The following EDA variants were observed in gnomAD, a reference collection of about 807,000 sequenced individuals.
EDA encodes ectodysplasin A.
EDA carries 2 observed loss-of-function variants against 23.6 expected under a neutral mutation model. That is an observed-to-expected ratio of 0.08 (90% CI 0.03 to 0.27). EDA has a LOEUF of 0.27. Ranked by LOEUF, EDA falls within the 10% of genes least tolerant of loss-of-function variation. The probability of loss-of-function intolerance (pLI) is 1.00; values close to 1 mark genes in which losing one functional copy is unlikely to be tolerated. For missense variants in EDA, 229 were observed against 324.2 expected, an observed-to-expected ratio of 0.71 and a Z score of 2.26; for synonymous variants, 131 against 132.0, an observed-to-expected ratio of 0.99 and a Z score of 0.05.
chrX:69,808,666 C>T (rs1000602406), intron 1 of EDA, among the ~76,000 whole-genome samples: 2 of 111,426 alleles, frequency 1.8e-5, no homozygotes, highest in African/African-American at 6.5e-5. Flanking sequence ...TAAATGTCTT[C>T]GATGATAGTG....
intron 1 of EDA, among the ~76,000 whole-genome samples, chrX:69,836,413 T>A (rs2016776125): frequency 8.9e-6 from 1 of 112,271 alleles, no homozygotes. Context: ...CCAGACCACT[T>A]TGTTTACCTA....
chrX:69,713,153 G>T (rs755248950), intron 1 of EDA, among the ~76,000 whole-genome samples: 33 of 111,572 alleles, frequency 3.0e-4, no homozygotes, highest in Non-Finnish European at 5.5e-4. Context: ...CATGGCACAT[G>T]TATACATACG....
intron 1 of EDA, among the ~76,000 whole-genome samples, chrX:69,665,368 A>G (rs1484174162): frequency 8.9e-6 from 1 of 111,837 alleles, no homozygotes; most frequent in Non-Finnish European, 1.9e-5. Context: ...TTAGTGTGAT[A>G]TGTAAAAAAT....
chrX:69,994,973 A>G (rs2019636251), intron 2 of EDA, among the ~76,000 whole-genome samples: 1 of 112,419 alleles, frequency 8.9e-6, no homozygotes, highest in Non-Finnish European at 1.9e-5. Flanking sequence ...TCTTTACAGT[A>G]TCAAATAAAA....
At chrX:69,796,304 A>G (rs2015543437) in intron 1 of EDA, among the ~76,000 whole-genome samples, 1 of 105 alleles carries the variant, frequency 9.5e-3, no homozygotes. Context: ...GAGCCAATGT[A>G]TGCCACCTGG....
intron 1 of EDA, among the ~76,000 whole-genome samples, chrX:69,936,149 A>G (rs1475538313): frequency 2.7e-5 from 3 of 109,715 alleles, no homozygotes; most frequent in Non-Finnish European, 3.8e-5. Flanking sequence ...ATACCTAAAG[A>G]CTTGTTATCT....
chrX:69,750,975 C>G (rs193115461), intron 1 of EDA, among the ~76,000 whole-genome samples: 31,265 of 107,676 alleles, frequency 0.29, 4,735 homozygotes, highest in Middle Eastern at 0.56. Context: ...TCTGTAGGTT[C>G]CCTGTTCACT....
chrX:69,891,492 G>T (rs181576481), intron 1 of EDA, among the ~76,000 whole-genome samples: 3 of 111,804 alleles, frequency 2.7e-5, no homozygotes, highest in African/African-American at 6.5e-5. Flanking sequence ...ATTCACAATA[G>T]CAAAGACATG....
At chrX:69,639,846 G>T (rs1932820978) in intron 1 of EDA, among the ~76,000 whole-genome samples, 1 of 111,713 alleles carries the variant, frequency 9.0e-6, no homozygotes, top group Admixed American at 9.5e-5. Flanking sequence ...ATTTCATGAA[G>T]TTTTTCTCCT....
chrX:69,705,228 A>G (rs1177051403), intron 1 of EDA, among the ~76,000 whole-genome samples: 1 of 103,937 alleles, frequency 9.6e-6, no homozygotes, highest in Non-Finnish European at 2.0e-5. Context: ...CATCTCAAAA[A>G]AAAAAAAAAA....
intron 2 of EDA, among the ~76,000 whole-genome samples, chrX:69,996,620 A>G (rs1427919355): frequency 9.0e-6 from 1 of 111,379 alleles, no homozygotes; most frequent in East Asian, 2.8e-4. Flanking sequence ...TCCTTTCCCA[A>G]CTCCCACATT....
intron 1 of EDA, among the ~76,000 whole-genome samples, chrX:69,955,687 C>T (rs2018989732): frequency 1.8e-5 from 2 of 111,988 alleles, no homozygotes; most frequent in South Asian, 3.7e-4. Flanking sequence ...TAATAGCAAA[C>T]ATTTATTAAG....
At position 70,035,446 on chromosome X, in the gene EDA, C is replaced by T. The variant is rs132630321; in HGVS notation, c.1013C>T (p.Thr338Met). 3 of 1,207,869 alleles carry T rather than the reference C, an allele frequency of 2.5e-6. No homozygotes were observed. The highest frequency in any genetic ancestry group is 1.8e-5 in the African/African-American group (1 of 56,513). ...PFLQCTRSIETGKTNYNTCYT... is the reference protein window; with the variant it reads ...PFLQCTRSIEMGKTNYNTCYT... ...CTGCAGTGCACACGCAGCATCGAGA[C>T]GGGCAAGACCAACTACAACACTTGC... Residue 338 changes from threonine to methionine, a missense_variant, in exon 8 of 8, where the codon ACG (threonine) becomes ATG (methionine). Thr to Met is a moderately conservative substitution (Grantham distance 81). Transcript: ENST00000374552.
chrX:69,771,093 T>C (rs1190626796), intron 1 of EDA, among the ~76,000 whole-genome samples: 1 of 111,051 alleles, frequency 9.0e-6, no homozygotes, highest in Non-Finnish European at 1.9e-5. Flanking sequence ...AGTCTCGCTC[T>C]GTGGCCAGGC....
At chrX:69,691,646 G>A (rs1934713683) in intron 1 of EDA, among the ~76,000 whole-genome samples, 1 of 111,274 alleles carries the variant, frequency 9.0e-6, no homozygotes. Flanking sequence ...TCTCATCTCA[G>A]TAGTAATTTT....
chrX:69,945,044 G>A (rs745960481), intron 1 of EDA, among the ~76,000 whole-genome samples: 19 of 112,216 alleles, frequency 1.7e-4, no homozygotes, highest in Non-Finnish European at 3.2e-4. Context: ...CACTGTTGGG[G>A]GATGGGTGAG....
At chrX:69,722,935 A>G (rs2012645097) in intron 1 of EDA, among the ~76,000 whole-genome samples, 5 of 112,338 alleles carry the variant, frequency 4.5e-5, no homozygotes, top group African/African-American at 1.3e-4. Context: ...CCTTACATAG[A>G]GTAAATTAAA....
At chrX:69,825,630 T>C (rs186854459) in intron 1 of EDA, among the ~76,000 whole-genome samples, 6 of 113,568 alleles carry the variant, frequency 5.3e-5, no homozygotes, top group African/African-American at 1.9e-4. Flanking sequence ...TCAATTTTGT[T>C]GATCCTCTCA....
intron 1 of EDA, among the ~76,000 whole-genome samples, chrX:69,710,318 A>T: frequency 1.8e-5 from 2 of 110,278 alleles, no homozygotes; most frequent in African/African-American, 6.6e-5. Flanking sequence ...GATATGCGGC[A>T]TTATTTCTGA....
Sources: gnomAD v4.1 joint callset for allele counts (sites outside exome capture counted in the v4.1 genomes callset) on GRCh38, gnomAD v4.1.1 for gene constraint, MANE v1.5 for transcripts, NCBI Gene and HGNC (gene_info 2026-07-23, HGNC 2026-07-21) for gene names.